STX8: variants seen among roughly 807,000 people sequenced by gnomAD.
The protein encoded by STX8 is syntaxin 8, also known as syntaxin-8.
In STX8, 23 loss-of-function variants were observed where a neutral mutation model predicts 37.5. That is an observed-to-expected ratio of 0.61 (90% CI 0.44 to 0.87). The LOEUF is 0.87. Ranked by LOEUF, STX8 falls within the 40% of genes least tolerant of loss-of-function variation. The pLI is 0.00. For missense variants in STX8, 313 were observed against 284.7 expected, an observed-to-expected ratio of 1.10 and a Z score of -0.71; for synonymous variants, 115 against 99.1, an observed-to-expected ratio of 1.16 and a Z score of -0.95.
intron 7 of STX8, among the ~76,000 whole-genome samples, chr17:9,272,249 G>A (rs1478285790): frequency 6.6e-6 from 1 of 152,240 alleles, no homozygotes; most frequent in East Asian, 1.9e-4. Flanking sequence ...GGGCTTTGCT[G>A]TGTCACATCA....
At chr17:9,398,814 C>T (rs550804995) in intron 6 of STX8, among the ~76,000 whole-genome samples, 6 of 152,118 alleles carry the variant, frequency 3.9e-5, no homozygotes, top group South Asian at 2.1e-4. Flanking sequence ...TTTGGGAGGC[C>T]GAGGCTGGTG....
At chr17:9,427,336 C>T (rs1345914323) in intron 6 of STX8, among the ~76,000 whole-genome samples, 4 of 152,122 alleles carry the variant, frequency 2.6e-5, no homozygotes, top group African/African-American at 4.8e-5. Context: ...CTGTGTGATG[C>T]CAGGAACACG....
intron 6 of STX8, among the ~76,000 whole-genome samples, chr17:9,472,084 T>C (rs1905893247): frequency 6.6e-6 from 1 of 151,980 alleles, no homozygotes; most frequent in Non-Finnish European, 1.5e-5. Context: ...TTTTTTTTTT[T>C]TTCAAAAGAA....
chr17:9,551,736 G>C (rs1381061720), intron 3 of STX8, among the ~76,000 whole-genome samples: 3 of 152,102 alleles, frequency 2.0e-5, no homozygotes, highest in African/African-American at 7.2e-5. Flanking sequence ...ATGAAACTAA[G>C]GTCCAGAAAA....
chr17:9,323,651 C>T (rs1030071444), intron 7 of STX8, among the ~76,000 whole-genome samples: 2 of 151,942 alleles, frequency 1.3e-5, no homozygotes, highest in East Asian at 1.9e-4. Context: ...AAAAGACATA[C>T]GCACACAGCA....
intron 7 of STX8, among the ~76,000 whole-genome samples, chr17:9,360,012 G>A (rs141103280): frequency 2.8e-4 from 43 of 151,962 alleles, no homozygotes; most frequent in African/African-American, 8.2e-4. Flanking sequence ...CTTTAGTTCC[G>A]CGTGTCAAAG....
chr17:9,331,744 C>T (rs1397618062), intron 7 of STX8, among the ~76,000 whole-genome samples: 3 of 152,130 alleles, frequency 2.0e-5, no homozygotes, highest in South Asian at 2.1e-4. Flanking sequence ...GTGCTAAACA[C>T]GCCCTGTTTT....
intron 7 of STX8, among the ~76,000 whole-genome samples, chr17:9,258,358 G>A (rs1174942279): frequency 1.3e-5 from 2 of 152,176 alleles, no homozygotes; most frequent in Non-Finnish European, 2.9e-5. Context: ...AAGAGTAGAC[G>A]CCGTGCAGAG....
intron 4 of STX8, among the ~76,000 whole-genome samples, chr17:9,538,800 C>T (rs540236232): frequency 1.3e-5 from 2 of 152,122 alleles, no homozygotes; most frequent in Non-Finnish European, 2.9e-5. Flanking sequence ...CCACCCACTG[C>T]AGCTGAGTTA....
At chr17:9,301,061 T>C (rs1402503075) in intron 7 of STX8, among the ~76,000 whole-genome samples, 1 of 152,076 alleles carries the variant, frequency 6.6e-6, no homozygotes, top group Non-Finnish European at 1.5e-5. Context: ...CTTGATCTCC[T>C]GACCTCGTGA....
intron 6 of STX8, among the ~76,000 whole-genome samples, chr17:9,393,167 C>A (rs1421416647): frequency 2.0e-5 from 3 of 152,066 alleles, no homozygotes; most frequent in East Asian, 1.9e-4. Context: ...GATTTCTCAT[C>A]AAAAATCAGA....
intron 7 of STX8, chr17:9,305,372 T>C (rs558208565): frequency 6.6e-6 from 1 of 152,270 alleles, no homozygotes; most frequent in Admixed American, 6.5e-5. Flanking sequence ...ATTACAGGTG[T>C]GAGCCACCGC....
chr17:9,512,045 G>T (rs1905031857), intron 4 of STX8, among the ~76,000 whole-genome samples: 2 of 152,006 alleles, frequency 1.3e-5, no homozygotes, highest in Non-Finnish European at 2.9e-5. Context: ...GGAGGTGAAA[G>T]ATCTCTAAAA....
At chr17:9,325,772 A>T (rs913730293) in intron 7 of STX8, among the ~76,000 whole-genome samples, 9 of 152,258 alleles carry the variant, frequency 5.9e-5, no homozygotes, top group Non-Finnish European at 1.3e-4. Flanking sequence ...ACGCTTCACC[A>T]TACGGGTCTT....
chr17:9,455,953 T>C (rs73263553), intron 6 of STX8, among the ~76,000 whole-genome samples: 2,300 of 152,304 alleles, frequency 0.015, 57 homozygotes, highest in African/African-American at 0.053. Flanking sequence ...CAAACCCATC[T>C]GCAGTGTACA....
chr17:9,331,007 C>T (rs1488432063), intron 7 of STX8, among the ~76,000 whole-genome samples: 1 of 152,142 alleles, frequency 6.6e-6, no homozygotes, highest in Non-Finnish European at 1.5e-5. Context: ...CTTCAACCCC[C>T]TCTCACTTTC....
rs915649635 is a variant in STX8, at chr17:9,457,868, C to T, written c.541+33961G>A. Among the ~76,000 whole-genome samples the T allele has an allele frequency of 2.0e-5, 3 of 152,198 alleles. No individual in the cohort carries two copies. The East Asian group carries it at 5.8e-4, about 29-fold the overall frequency. ...TTAATTGGCTGAAACGGGTTACCTG[C>T]CCATTATCAATCCAATTTTTGACAA... is the stretch of plus-strand genomic sequence containing the variant. On this transcript the variant is annotated intron_variant, in intron 6 of 7. Coordinates refer to ENST00000306357, the MANE Select transcript of STX8 (RefSeq NM_004853.3).
At chr17:9,513,261 G>A (rs1905072235) in intron 4 of STX8, among the ~76,000 whole-genome samples, 3 of 150,476 alleles carry the variant, frequency 2.0e-5, no homozygotes, top group Middle Eastern at 6.8e-3. Context: ...AGCTACTCAG[G>A]CTGAGGTGGG....
intron 1 of STX8, among the ~76,000 whole-genome samples, chr17:9,573,080 A>ACCCCCCCCCCCCCCCCCCCCC (rs71135994): frequency 9.8e-6 from 1 of 101,578 alleles, no homozygotes; most frequent in African/African-American, 3.8e-5. Flanking sequence ...CACCCCCAAC[A>ACCCCCCCCCCCCCCCCCCCCC]CCCCCCCCCA....
Sources: allele counts gnomAD v4.1 joint callset (sites outside exome capture counted in the v4.1 genomes callset), GRCh38; gene constraint gnomAD v4.1.1; transcripts MANE v1.5; gene names NCBI Gene and HGNC (gene_info 2026-07-23, HGNC 2026-07-21).